Variants in TANC2 observed in about 807,000 individuals in gnomAD.
TANC2 encodes tetratricopeptide repeat, ankyrin repeat and coiled-coil containing 2.
A neutral mutation model predicts 210.5 loss-of-function variants in TANC2; 26 were observed. The observed-to-expected ratio is 0.12, with a 90% confidence interval of 0.09 to 0.17. The LOEUF is 0.17. Ranked by LOEUF, TANC2 falls within the 10% of genes least tolerant of loss-of-function variation. The pLI, the probability that TANC2 is intolerant of heterozygous loss-of-function variation, is 1.00. For missense variants in TANC2, 2,129 were observed against 2,608.9 expected, an observed-to-expected ratio of 0.82 and a Z score of 4.01; for synonymous variants, 931 against 967.1, an observed-to-expected ratio of 0.96 and a Z score of 0.69.
chr17:63,229,788 GAGAA>G (rs2042424097), intron 7 of TANC2, among the ~76,000 whole-genome samples: 1 of 63,022 alleles, frequency 1.6e-5, no homozygotes, highest in Non-Finnish European at 3.4e-5. Flanking sequence ...TTTTTTTTTT[GAGAA>G]AGAATCTCAC....
At chr17:63,168,870 T>C (rs1260994630) in intron 5 of TANC2, among the ~76,000 whole-genome samples, 2 of 152,214 alleles carry the variant, frequency 1.3e-5, no homozygotes, top group Non-Finnish European at 2.9e-5. Context: ...TCAAACAGCA[T>C]TTATCAGAGG....
chr17:63,420,137 G>T lies in TANC2; in HGVS notation c.4407G>T (p.Pro1469=). 1 of 1,556,284 alleles carries T rather than the reference G, an allele frequency of 6.4e-7. No individual in the cohort carries two copies. The change falls in exon 28 of 28, where the codon CCG becomes CCT. Residue 1469 remains proline, a synonymous_variant. Transcript: ENST00000689528. This position sits in a 1 kb window ranked among gnomAD's most constrained non-coding sequence, Gnocchi z 4.2. ...AGCCACAGCAGCCACCGCCGCCACC[G>T]CAGCCTCAGCAGCAGTTGCCGGAAG...
At chr17:63,236,962 A>G (rs2042638131) in intron 7 of TANC2, among the ~76,000 whole-genome samples, 1 of 152,208 alleles carries the variant, frequency 6.6e-6, no homozygotes, top group South Asian at 2.1e-4. Context: ...ATGCAAGTGC[A>G]GATATCTTTT....
In TANC2 at chr17:63,418,675, G is replaced by A. The variant is rs111922615; in HGVS notation, c.4268+268G>A. ...CAGCTTCTTCCAAGAAGCCTCTGCC[G>A]TATCTCAGGCATTTTTCAACCCCCA... On this transcript the variant is annotated intron_variant, in intron 27 of 27. Transcript: ENST00000689528. This position sits in a 1 kb window ranked among gnomAD's most constrained non-coding sequence, Gnocchi z 4.6. Among the ~76,000 whole-genome samples, 4 of 152,318 alleles carry A rather than the reference G, an allele frequency of 2.6e-5. No homozygotes were observed. Among genetic ancestry groups the A allele is most frequent in the Admixed American group, 6.5e-5 (1 of 15,304 alleles).
chr17:63,195,853 C>T (rs887028205), intron 6 of TANC2, among the ~76,000 whole-genome samples: 31 of 152,186 alleles, frequency 2.0e-4, no homozygotes, highest in African/African-American at 7.5e-4. Flanking sequence ...TACACCTGAT[C>T]TAGCCACTTG....
intron 9 of TANC2, among the ~76,000 whole-genome samples, chr17:63,306,825 A>C (rs1036904732): frequency 6.6e-6 from 1 of 152,176 alleles, no homozygotes; most frequent in East Asian, 1.9e-4. Context: ...ATGGTGGGAC[A>C]TGCCTATAGT....
intron 21 of TANC2, among the ~76,000 whole-genome samples, chr17:63,411,138 C>T (rs975588742): frequency 8.6e-5 from 13 of 151,792 alleles, no homozygotes; most frequent in African/African-American, 2.2e-4. Flanking sequence ...GGAGGATTTA[C>T]GGGAGATCCG....
At chr17:63,163,532 G>A (rs2040100470) in intron 5 of TANC2, among the ~76,000 whole-genome samples, 1 of 152,112 alleles carries the variant, frequency 6.6e-6, no homozygotes, top group South Asian at 2.1e-4. Flanking sequence ...ATTTTAAGCT[G>A]GAGTGTTACG....
intron 4 of TANC2, among the ~76,000 whole-genome samples, chr17:63,111,566 A>G (rs1320302171): frequency 4.6e-5 from 7 of 151,900 alleles, no homozygotes; most frequent in Admixed American, 4.6e-4. Context: ...TCTACTCTTC[A>G]TCTTTGATTA....
At chr17:63,265,853 G>A (rs935880615) in intron 8 of TANC2, among the ~76,000 whole-genome samples, 16 of 151,790 alleles carry the variant, frequency 1.1e-4, no homozygotes, top group Non-Finnish European at 1.9e-4. Flanking sequence ...TTCAAGAAAA[G>A]CATGTTGCAC....
intron 14 of TANC2, among the ~76,000 whole-genome samples, chr17:63,358,204 T>G (rs554482405): frequency 6.6e-6 from 1 of 152,166 alleles, no homozygotes; most frequent in Non-Finnish European, 1.5e-5. Context: ...ACAGCTGAGA[T>G]TGAGTTTTCA....
At chr17:63,357,010 T>C (rs2146918743) in intron 14 of TANC2, among the ~76,000 whole-genome samples, 1 of 152,276 alleles carries the variant, frequency 6.6e-6, no homozygotes, top group Admixed American at 6.5e-5. Flanking sequence ...CACAAGATTT[T>C]AAAAAGAAAC....
chr17:63,200,475 G>A (rs2041496550), intron 6 of TANC2, among the ~76,000 whole-genome samples: 1 of 151,822 alleles, frequency 6.6e-6, no homozygotes, highest in South Asian at 2.1e-4. Flanking sequence ...GAGAACTTGT[G>A]CTTAATAAAA....
chr17:63,411,949 G>A (rs1247095453), intron 22 of TANC2, 49 bp from the exon 23 acceptor site: 2 of 1,608,922 alleles, frequency 1.2e-6, no homozygotes, highest in Non-Finnish European at 1.7e-6. Context: ...GTGGAACAGT[G>A]CTGAGCCATT....
intron 1 of TANC2, among the ~76,000 whole-genome samples, chr17:62,981,409 T>C (rs1034558983): frequency 3.3e-5 from 5 of 152,058 alleles, no homozygotes; most frequent in African/African-American, 1.2e-4. Context: ...CTTCCTCTTT[T>C]CTCCTTTTCT....
At chr17:63,098,778 G>T (rs1161575487) in intron 3 of TANC2, among the ~76,000 whole-genome samples, 2 of 151,814 alleles carry the variant, frequency 1.3e-5, no homozygotes, top group African/African-American at 4.8e-5. Context: ...AGGGGAGAAA[G>T]AAATAGAGTT....
intron 2 of TANC2, among the ~76,000 whole-genome samples, chr17:63,060,990 G>A (rs1446862365): frequency 6.6e-6 from 1 of 152,016 alleles, no homozygotes; most frequent in African/African-American, 2.4e-5. Flanking sequence ...GGAGGTGGAG[G>A]CTCTTTTTGA....
intron 2 of TANC2, among the ~76,000 whole-genome samples, chr17:63,063,320 T>G (rs1319197410): frequency 7.2e-5 from 11 of 152,172 alleles, no homozygotes; most frequent in Non-Finnish European, 1.3e-4. Context: ...CATGTTGGAC[T>G]GTTAATTAAA....
intron 8 of TANC2, among the ~76,000 whole-genome samples, chr17:63,256,421 T>C (rs2043196870): frequency 6.6e-6 from 1 of 152,168 alleles, no homozygotes; most frequent in Non-Finnish European, 1.5e-5. Context: ...GAGTTCCTCT[T>C]GTTACTCATG....
Sources: allele counts gnomAD v4.1 joint callset (sites outside exome capture counted in the v4.1 genomes callset), GRCh38; gene constraint gnomAD v4.1.1; non-coding constraint Gnocchi (gnomAD v3.1); transcripts MANE v1.5; gene names NCBI Gene and HGNC (gene_info 2026-07-23, HGNC 2026-07-21).